The following TRIM2 variants were observed in gnomAD, a reference collection of about 807,000 sequenced individuals.
TRIM2 encodes tripartite motif-containing protein 2.
TRIM2 carries 20 observed loss-of-function variants against 75.2 expected under a neutral mutation model. The ratio of observed to expected loss-of-function variants is 0.27; its 90% CI spans 0.19 to 0.39. TRIM2 has a LOEUF of 0.39. Ranked by LOEUF, TRIM2 falls within the 10% of genes least tolerant of loss-of-function variation. The pLI, the probability that TRIM2 is intolerant of heterozygous loss-of-function variation, is 1.00. For synonymous variants in TRIM2, 373 were observed against 388.3 expected, an observed-to-expected ratio of 0.96 and a Z score of 0.46; for missense variants, 660 against 990.8, an observed-to-expected ratio of 0.67 and a Z score of 4.48.
At position 153,295,086 on chromosome 4, in the gene TRIM2, A is replaced by G. The variant is rs1762507359; in HGVS notation, c.787-227A>G. Among the ~76,000 whole-genome samples, 3 of 152,238 alleles carry G rather than the reference A, an allele frequency of 2.0e-5. No homozygotes were observed. Among genetic ancestry groups the G allele is most frequent in the Admixed American group, 2.0e-4 (3 of 15,286 alleles). On this transcript the variant is annotated intron_variant, in intron 5 of 11. Transcript: ENST00000338700. The surrounding 1 kb of genome is among the most constrained non-coding windows in gnomAD (Gnocchi z 7.2). ...CTCCAAAACACATGAGCCAAGAAAT[A>G]CATGTGTGGAAGAGAGGGCGAGGCG...
chr4:153,187,764 A>T (rs1041165932), intron 1 of TRIM2, among the ~76,000 whole-genome samples: 22 of 152,290 alleles, frequency 1.4e-4, no homozygotes, highest in African/African-American at 4.1e-4. Context: ...ACTGAGGTTC[A>T]GTGACAGGCA....
chr4:153,260,746 G>GATCATC (rs148593406), intron 1 of TRIM2, among the ~76,000 whole-genome samples: 1 of 117,784 alleles, frequency 8.5e-6, no homozygotes. Context: ...TCATCATCAT[G>GATCATC]ATCATCATCA....
chr4:153,302,346 G>T (rs887522604), intron 6 of TRIM2, among the ~76,000 whole-genome samples: 2 of 152,170 alleles, frequency 1.3e-5, no homozygotes, highest in African/African-American at 4.8e-5. Flanking sequence ...CCTAGTGCCT[G>T]CCAGGCGTTA....
intron 1 of TRIM2, among the ~76,000 whole-genome samples, chr4:153,220,686 A>G (rs886404670): frequency 1.6e-4 from 24 of 151,928 alleles, no homozygotes; most frequent in Admixed American, 2.0e-4. Context: ...TTTGTTATAT[A>G]TATTTAACCC....
intron 1 of TRIM2, among the ~76,000 whole-genome samples, chr4:153,176,919 A>G (rs1019984238): frequency 6.6e-6 from 1 of 152,156 alleles, no homozygotes; most frequent in Non-Finnish European, 1.5e-5. Flanking sequence ...CCTACATGCT[A>G]TTTATTGTAT....
chr4:153,212,482 A>G (rs575847399), intron 1 of TRIM2, among the ~76,000 whole-genome samples: 4 of 152,142 alleles, frequency 2.6e-5, no homozygotes, highest in Non-Finnish European at 4.4e-5. Context: ...CCCAGACTTC[A>G]CCATTACGCA....
rs200422575 is a variant in TRIM2 at position 153,338,949 on chromosome 4, AG to A, written c.*3987del. The A allele has an allele frequency of 2.3e-5, 22 of 959,266 alleles. No homozygotes were observed. In the South Asian group the frequency reaches 6.9e-4, roughly 30 times the overall value. The allele number at this position is 959,266 out of a possible 1,614,324, so 59.4% of individuals were successfully genotyped here. A position where few individuals can be genotyped will look rare whatever the true frequency, so the allele number is the denominator to read the frequency against. On this transcript the variant is annotated 3_prime_UTR_variant, in exon 12 of 12. Transcript: ENST00000338700. The stretch of plus-strand genomic sequence containing the variant: ...CTTTCAAGCCTATGTATGAATATGA[AG>A]GGGTTTTTTTTTTTTGCTTTGTTTT...
intron 2 of TRIM2, among the ~76,000 whole-genome samples, chr4:153,272,342 G>A (rs904473912): frequency 1.2e-4 from 18 of 152,010 alleles, no homozygotes; most frequent in African/African-American, 4.1e-4. Flanking sequence ...TAGAGACGAG[G>A]TTTCACTGTG....
chr4:153,267,296 T>C (rs145855035), intron 1 of TRIM2, among the ~76,000 whole-genome samples: 61 of 152,270 alleles, frequency 4.0e-4, no homozygotes, highest in South Asian at 1.5e-3. Context: ...TAGAGACATA[T>C]ACTCCTTGGA....
chr4:153,158,555 T>G (rs2149589518), intron 1 of TRIM2, among the ~76,000 whole-genome samples: 1 of 152,226 alleles, frequency 6.6e-6, no homozygotes, highest in Non-Finnish European at 1.5e-5. Context: ...AGGAAGCATG[T>G]GACAATTTTA....
At chr4:153,227,308 A>G (rs1320268281) in intron 1 of TRIM2, among the ~76,000 whole-genome samples, 1 of 152,220 alleles carries the variant, frequency 6.6e-6, no homozygotes, top group Non-Finnish European at 1.5e-5. Context: ...TCCTCTCCTC[A>G]GCTACCAGAC....
intron 1 of TRIM2, among the ~76,000 whole-genome samples, chr4:153,251,815 T>TA (rs1251167776): frequency 1.3e-5 from 2 of 151,632 alleles, no homozygotes; most frequent in Non-Finnish European, 2.9e-5. Context: ...CCTGTCTCCA[T>TA]AAAAAAATAC....
At chr4:153,193,757 A>G (rs1733471308) in intron 1 of TRIM2, among the ~76,000 whole-genome samples, 1 of 152,214 alleles carries the variant, frequency 6.6e-6, no homozygotes, top group Non-Finnish European at 1.5e-5. Flanking sequence ...AATATAGCAG[A>G]AACACAAAAT....
rs1560874169 is a variant in TRIM2, at chr4:153,244,349, T to TTCTTCTTCC, written c.31-25981_31-25980insTTCCTCTTC. Among the ~76,000 whole-genome samples, 48 of 30,474 alleles carry TTCTTCTTCC rather than the reference T, an allele frequency of 1.6e-3. 1 individual carries two copies. The highest frequency in any genetic ancestry group is 2.3e-3 in the Non-Finnish European group (44 of 19,082). The allele number at this position is 30,474 out of a possible 152,430, so 20.0% of individuals were successfully genotyped here. On this transcript the variant is annotated intron_variant, in intron 1 of 11. Transcript: ENST00000338700. ...CTTCTTCTTCTTCTTCTTCTTCTTCTTCTTCCTCTTCTTCTTCTTCTTCTT... is the reference window on the plus strand; with the variant it reads ...CTTCTTCTTCTTCTTCTTCTTCTTCTTCTTCTTCCTCTTCCTCTTCTTCTTCTTCTTCTT...
chr4:153,244,340 TTCTTCTTCTTCTTCC>T lies in TRIM2; in HGVS notation c.31-25980_31-25966del, dbSNP rs1560874062. Among the ~76,000 whole-genome samples, 205 of 31,508 alleles carry T rather than the reference TTCTTCTTCTTCTTCC, an allele frequency of 6.5e-3. 10 individuals carry two copies. The highest frequency in any genetic ancestry group is 0.013 in the African/African-American group (47 of 3,532). The allele number at this position is 31,508 out of a possible 152,430, so 20.7% of individuals were successfully genotyped here. ...CCTCCTCTTCTTCTTCTTCTTCTTC[TTCTTCTTCTTCTTCC>T]TCTTCTTCTTCTTCTTCTTCTTCTT... On this transcript the variant is annotated intron_variant, in intron 1 of 11. Transcript: ENST00000338700.
At chr4:153,258,927 G>T (rs1179948523) in intron 1 of TRIM2, among the ~76,000 whole-genome samples, 1 of 152,086 alleles carries the variant, frequency 6.6e-6, no homozygotes, top group Admixed American at 6.5e-5. Context: ...AATAATGCAC[G>T]CCCCTCCCAA....
chr4:153,271,963 ACT>A (rs1330533073), intron 2 of TRIM2, among the ~76,000 whole-genome samples: 1 of 151,858 alleles, frequency 6.6e-6, no homozygotes, highest in Non-Finnish European at 1.5e-5. Context: ...GAGAAGCAAC[ACT>A]CTGGCTGCCC....
chr4:153,186,562 C>A (rs749361874), intron 1 of TRIM2, among the ~76,000 whole-genome samples: 1 of 152,148 alleles, frequency 6.6e-6, no homozygotes. Flanking sequence ...TTTTTGTTGG[C>A]GCTCAAGGGA....
chr4:153,210,866 C>T (rs548892167), intron 1 of TRIM2, among the ~76,000 whole-genome samples: 22 of 152,206 alleles, frequency 1.4e-4, no homozygotes, highest in Middle Eastern at 3.4e-3. Flanking sequence ...CCCCAGAAGC[C>T]GTGTTGGAAC....
Sources: allele counts gnomAD v4.1 joint callset (sites outside exome capture counted in the v4.1 genomes callset), GRCh38; gene constraint gnomAD v4.1.1; non-coding constraint Gnocchi (gnomAD v3.1); transcripts MANE v1.5; gene names NCBI Gene and HGNC (gene_info 2026-07-23, HGNC 2026-07-21).